Variants in ST18 observed in about 807,000 individuals in gnomAD.
ST18 encodes the protein suppression of tumorigenicity 18 protein.
In ST18, 50 loss-of-function variants were observed where a neutral mutation model predicts 110.0. That is an observed-to-expected ratio of 0.45 (90% CI 0.36 to 0.58). ST18 has a LOEUF of 0.58. Among genes scored for constraint, ST18 ranks in the 20% least tolerant of loss-of-function variants. The probability of loss-of-function intolerance (pLI) is 0.00; values close to 1 mark genes in which losing one functional copy is unlikely to be tolerated. For missense variants in ST18, 1,306 were observed against 1,280.1 expected (o/e 1.02, Z -0.31); for synonymous variants, 461 against 452.4 (o/e 1.02, Z -0.24).
intron 2 of ST18, among the ~76,000 whole-genome samples, chr8:52,371,011 A>G (rs934590086): frequency 2.0e-5 from 3 of 152,222 alleles, no homozygotes; most frequent in African/African-American, 4.8e-5. Flanking sequence ...ATCCTAATAC[A>G]ACACTAGACA....
At chr8:52,312,565 AG>A (rs1419010373) in intron 2 of ST18, among the ~76,000 whole-genome samples, 1 of 152,230 alleles carries the variant, frequency 6.6e-6, no homozygotes, top group African/African-American at 2.4e-5. Flanking sequence ...GATGGATCCT[AG>A]AAGAATGGTC....
chr8:52,345,673 G>A (rs183035574), intron 2 of ST18, among the ~76,000 whole-genome samples: 5 of 152,306 alleles, frequency 3.3e-5, no homozygotes, highest in Non-Finnish European at 5.9e-5. Context: ...CATGACAGCT[G>A]TCCTCTAAAG....
At chr8:52,249,128 C>T (rs916752213) in intron 2 of ST18, among the ~76,000 whole-genome samples, 4 of 152,166 alleles carry the variant, frequency 2.6e-5, no homozygotes, top group African/African-American at 4.8e-5. Context: ...CAAGTTCACT[C>T]GCATTTTGGG....
chr8:52,133,854 C>T (rs1292037610), intron 19 of ST18, among the ~76,000 whole-genome samples: 2 of 151,994 alleles, frequency 1.3e-5, no homozygotes, highest in Admixed American at 6.5e-5. Flanking sequence ...CCTCAGCCTC[C>T]CGAGTAGCTG....
In ST18 at chr8:52,166,981, G is replaced by T; in HGVS notation, c.1075C>A (p.Pro359Thr). ...GRQIFNNKHS[P>T]RPEKRETKCP... is the part of the protein sequence containing the mutation. The stretch of plus-strand genomic sequence containing the variant: ...TTGGTCTCCCTCTTTTCAGGCCTTG[G>T]TGAATCTATGGAGAAATTCAATTGA... Residue 359 changes from proline (P) to threonine (T), a missense_variant, in exon 11 of 26, where the codon CCA becomes ACA. Transcript: ENST00000689386. 6.2e-7 allele frequency: 1 copy of T among 1,606,324 alleles called. No homozygotes were observed. The highest frequency in any genetic ancestry group is 1.3e-5 in the African/African-American group (1 of 74,876).
At chr8:52,380,871 T>C (rs1363697879) in intron 2 of ST18, among the ~76,000 whole-genome samples, 1 of 152,122 alleles carries the variant, frequency 6.6e-6, no homozygotes, top group Non-Finnish European at 1.5e-5. Flanking sequence ...CCTTGTAACG[T>C]AAGCTGCACT....
At chr8:52,374,255 A>G (rs568623502) in intron 2 of ST18, among the ~76,000 whole-genome samples, 8 of 152,240 alleles carry the variant, frequency 5.3e-5, no homozygotes, top group African/African-American at 1.9e-4. Context: ...GTGTCCTTAG[A>G]ATAGGAAACA....
intron 16 of ST18, among the ~76,000 whole-genome samples, chr8:52,144,913 T>C (rs1352743543): frequency 6.6e-6 from 1 of 152,160 alleles, no homozygotes; most frequent in East Asian, 1.9e-4. Flanking sequence ...CCATCTACTT[T>C]ATTTAGTCCT....
chr8:52,135,716 A>G (rs1310668822), intron 19 of ST18, among the ~76,000 whole-genome samples: 2 of 152,078 alleles, frequency 1.3e-5, no homozygotes, highest in African/African-American at 4.8e-5. Context: ...TCTTTCATAA[A>G]CTTAGTTTTT....
At chr8:52,125,425 AAG>A (rs1316532644) in intron 23 of ST18, among the ~76,000 whole-genome samples, 1 of 151,894 alleles carries the variant, frequency 6.6e-6, no homozygotes, top group African/African-American at 2.4e-5. Context: ...ACGAGAGAGA[AAG>A]AGAACACACA....
At chr8:52,338,925 G>T (rs1282856515) in intron 2 of ST18, among the ~76,000 whole-genome samples, 1 of 151,226 alleles carries the variant, frequency 6.6e-6, no homozygotes, top group Non-Finnish European at 1.5e-5. Context: ...TTTTTGTGCT[G>T]GGGGAGACAG....
intron 2 of ST18, among the ~76,000 whole-genome samples, chr8:52,365,728 G>A (rs1171981656): frequency 6.6e-6 from 1 of 151,998 alleles, no homozygotes; most frequent in Non-Finnish European, 1.5e-5. Context: ...ACAGGTTCTG[G>A]CTGTGTTACC....
At chr8:52,349,872 G>A (rs1197849453) in intron 2 of ST18, among the ~76,000 whole-genome samples, 3 of 152,130 alleles carry the variant, frequency 2.0e-5, no homozygotes, top group Admixed American at 2.0e-4. Flanking sequence ...GGGAGAGTAG[G>A]GGGTCAGGGG....
At chr8:52,248,862 C>T (rs998830286) in intron 2 of ST18, among the ~76,000 whole-genome samples, 3 of 152,132 alleles carry the variant, frequency 2.0e-5, no homozygotes, top group Non-Finnish European at 4.4e-5. Context: ...GTTTTTAAGA[C>T]ACTGCTGAAG....
chr8:52,391,627 A>G (rs2140983442), intron 2 of ST18, among the ~76,000 whole-genome samples: 1 of 152,294 alleles, frequency 6.6e-6, no homozygotes, highest in East Asian at 1.9e-4. Flanking sequence ...ACAGTCACAT[A>G]CTGTACAGGT....
intron 8 of ST18, among the ~76,000 whole-genome samples, chr8:52,196,949 A>C (rs1260906794): frequency 6.6e-6 from 1 of 152,244 alleles, no homozygotes; most frequent in Admixed American, 6.5e-5. Flanking sequence ...ACTTCCAAGA[A>C]AAGGAGAAAC....
chr8:52,156,366 T>C (rs1258872297), intron 15 of ST18, among the ~76,000 whole-genome samples: 1 of 152,216 alleles, frequency 6.6e-6, no homozygotes, highest in African/African-American at 2.4e-5. Context: ...AAGACGCTTA[T>C]TTCTACACAT....
rs532096308 is a variant in ST18, at chr8:52,130,000, G to A, written c.2666+1958C>T. ...GCAGAGGTTGCAGTGAGCCGAGGTCGAGCCCACTGCACTCCAGCATGGGCG... is the reference window on the plus strand; with the variant it reads ...GCAGAGGTTGCAGTGAGCCGAGGTCAAGCCCACTGCACTCCAGCATGGGCG... On this transcript the variant is annotated intron_variant, in intron 22 of 25. Transcript: ENST00000689386. Among the ~76,000 whole-genome samples the A allele has an allele frequency of 3.6e-4, 55 of 151,064 alleles. No individual in the cohort carries two copies. In the South Asian group the frequency reaches 9.9e-3, roughly 27 times the overall value.
chr8:52,260,283 C>A (rs1370863324), intron 2 of ST18, among the ~76,000 whole-genome samples: 3 of 136,644 alleles, frequency 2.2e-5, no homozygotes, highest in Non-Finnish European at 4.4e-5. Flanking sequence ...CTATATTTGT[C>A]TGTCTATTAT....
Sources: allele counts gnomAD v4.1 joint callset (sites outside exome capture counted in the v4.1 genomes callset), GRCh38; gene constraint gnomAD v4.1.1; transcripts MANE v1.5; gene names NCBI Gene and HGNC (gene_info 2026-07-23, HGNC 2026-07-21).